ANKRD6: variants seen among roughly 807,000 people sequenced by gnomAD.
The protein encoded by ANKRD6 is ankyrin repeat domain-containing protein 6.
ANKRD6 carries 56 observed loss-of-function variants against 82.3 expected under a neutral mutation model. The ratio of observed to expected loss-of-function variants is 0.68; its 90% CI spans 0.55 to 0.85. ANKRD6 has a LOEUF of 0.85. Ranked by LOEUF, ANKRD6 falls within the 40% of genes least tolerant of loss-of-function variation. The pLI is 0.00. For missense variants in ANKRD6, 852 were observed against 907.6 expected (o/e 0.94, Z 0.79); for synonymous variants, 347 against 352.1 (o/e 0.99, Z 0.16).
In ANKRD6 at chr6:89,595,585, A is replaced by G. The variant is rs193133596; in HGVS notation, c.121-331A>G. Among the ~76,000 whole-genome samples the G allele has an allele frequency of 2.2e-3, 328 of 152,270 alleles. 1 individual carries two copies. The highest frequency in any genetic ancestry group is 7.6e-3 in the African/African-American group (316 of 41,540). ...CATCATGGCCACTTCATTATTCCTC[A>G]GTATTAGCACCAGTGAGAAATTAAG... On this transcript the variant is annotated intron_variant, in intron 2 of 15. Coordinates refer to ENST00000339746, the MANE Select transcript of ANKRD6 (RefSeq NM_001242809.2).
At chr6:89,551,167 A>G (rs976111235) in intron 1 of ANKRD6, among the ~76,000 whole-genome samples, 5 of 152,142 alleles carry the variant, frequency 3.3e-5, no homozygotes, top group African/African-American at 1.2e-4. Context: ...TCTTGTTAGG[A>G]AGGGGGTGGG....
At chr6:89,453,958 C>G (rs549628865) in intron 1 of ANKRD6, among the ~76,000 whole-genome samples, 49 of 152,040 alleles carry the variant, frequency 3.2e-4, no homozygotes, top group Non-Finnish European at 5.2e-4. Flanking sequence ...CCTGCCACCA[C>G]GCCCGGCTAA....
At chr6:89,445,598 C>A (rs1344129500) in intron 1 of ANKRD6, among the ~76,000 whole-genome samples, 3 of 152,146 alleles carry the variant, frequency 2.0e-5, no homozygotes, top group Non-Finnish European at 2.9e-5. Context: ...AGGTGCACAC[C>A]ACCATGCCTG....
At chr6:89,440,756 A>G (rs1771271478) in intron 1 of ANKRD6, among the ~76,000 whole-genome samples, 1 of 151,840 alleles carries the variant, frequency 6.6e-6, no homozygotes, top group Admixed American at 6.6e-5. Context: ...GATCATGCCT[A>G]TGAATAGCCA....
In ANKRD6 at chr6:89,506,984, A is replaced by G. The variant is rs572485945; in HGVS notation, c.-143-59850A>G. On this transcript the variant is annotated intron_variant, in intron 1 of 15. Coordinates refer to ENST00000339746, the MANE Select transcript of ANKRD6 (RefSeq NM_001242809.2). ...GCCAGTGTTGAGGATTCCATATGCAATATAAATAAGACTCTATGCTAAACA... is the reference window on the plus strand; with the variant it reads ...GCCAGTGTTGAGGATTCCATATGCAGTATAAATAAGACTCTATGCTAAACA... Among the ~76,000 whole-genome samples, 120 of 152,356 alleles carry G rather than the reference A, an allele frequency of 7.9e-4. 1 individual carries two copies. Among genetic ancestry groups the G allele is most frequent in the African/African-American group, 2.8e-3 (115 of 41,580 alleles).
At chr6:89,586,778 T>G (rs541689826) in intron 2 of ANKRD6, among the ~76,000 whole-genome samples, 25 of 152,220 alleles carry the variant, frequency 1.6e-4, no homozygotes, top group Non-Finnish European at 3.7e-4. Context: ...ACAAGTGTAC[T>G]GTAGAAGCTG....
chr6:89,542,326 C>T (rs1281153504), intron 1 of ANKRD6, among the ~76,000 whole-genome samples: 1 of 152,120 alleles, frequency 6.6e-6, no homozygotes, highest in African/African-American at 2.4e-5. Flanking sequence ...CTAGTTGCTG[C>T]TTGTCTCTTT....
intron 1 of ANKRD6, among the ~76,000 whole-genome samples, chr6:89,530,713 T>C (rs1352717769): frequency 2.0e-5 from 3 of 152,176 alleles, no homozygotes; most frequent in Non-Finnish European, 4.4e-5. Context: ...GAATAAAGAA[T>C]GTGGTAAAAG....
chr6:89,527,813 G>T (rs1782686581), intron 1 of ANKRD6, among the ~76,000 whole-genome samples: 1 of 151,692 alleles, frequency 6.6e-6, no homozygotes, highest in Non-Finnish European at 1.5e-5. Context: ...TTGTTTTTTT[G>T]TTTTGTTTTG....
rs749956078 is a variant in ANKRD6, at chr6:89,539,873, CA to C, written c.-143-26949del. Among the ~76,000 whole-genome samples the C allele has an allele frequency of 3.7e-3, 500 of 135,212 alleles. 1 individual carries two copies. The highest frequency in any genetic ancestry group is 5.6e-3 in the Non-Finnish European group (353 of 62,482). 88.7% of individuals were successfully genotyped at this position (135,212 alleles called of 152,430 possible). On this transcript the variant is annotated intron_variant, in intron 1 of 15. Coordinates refer to ENST00000339746, the MANE Select transcript of ANKRD6 (RefSeq NM_001242809.2). ...CAATTGATTTGATTTTTGGATTCTA[CA>C]AAAAAAAAAAACCAGATGTTTTTGC... is the stretch of plus-strand genomic sequence containing the variant.
intron 8 of ANKRD6, chr6:89,616,941 G>T: frequency 3.5e-6 from 2 of 574,200 alleles, no homozygotes; most frequent in Non-Finnish European, 6.6e-6. Context: ...AAACTGACGA[G>T]TGGATGTTAC....
intron 6 of ANKRD6, 100 bp from the exon 7 acceptor site, chr6:89,613,692 A>G: frequency 3.7e-6 from 4 of 1,067,008 alleles, no homozygotes; most frequent in South Asian, 1.5e-5. Flanking sequence ...TAAAGAGTAC[A>G]TGATAGTCTG....
chr6:89,452,864 A>G (rs1189885850), intron 1 of ANKRD6, among the ~76,000 whole-genome samples: 2 of 152,192 alleles, frequency 1.3e-5, no homozygotes, highest in Non-Finnish European at 1.5e-5. Flanking sequence ...TTCATGTCAG[A>G]CAGCAGCCTT....
intron 1 of ANKRD6, among the ~76,000 whole-genome samples, chr6:89,491,259 A>G (rs1388910144): frequency 6.6e-6 from 1 of 152,228 alleles, no homozygotes. Context: ...CTGGATTTTC[A>G]TAGGCCGAAA....
At chr6:89,480,956 T>TAGA (rs757399536) in intron 1 of ANKRD6, among the ~76,000 whole-genome samples, 1 of 53,380 alleles carries the variant, frequency 1.9e-5, no homozygotes. Flanking sequence ...AAAAAAAAAA[T>TAGA]AGAAGAAGAA....
At chr6:89,467,054 T>G (rs188547630) in intron 1 of ANKRD6, among the ~76,000 whole-genome samples, 11 of 152,290 alleles carry the variant, frequency 7.2e-5, no homozygotes, top group African/African-American at 2.6e-4. Context: ...CAAGATTTTT[T>G]TCAAGCAAGC....
At chr6:89,434,518 G>T in intron 1 of ANKRD6, among the ~76,000 whole-genome samples, 1 of 152,040 alleles carries the variant, frequency 6.6e-6, no homozygotes. Flanking sequence ...ACAGAGTTTC[G>T]CTCTGTTGCC....
intron 2 of ANKRD6, among the ~76,000 whole-genome samples, chr6:89,573,260 T>A (rs565712620): frequency 7.9e-5 from 12 of 152,356 alleles, no homozygotes; most frequent in East Asian, 5.8e-4. Flanking sequence ...ATTACTTTTT[T>A]AAAAAATATA....
At chr6:89,452,073 T>C (rs1772899581) in intron 1 of ANKRD6, among the ~76,000 whole-genome samples, 1 of 151,962 alleles carries the variant, frequency 6.6e-6, no homozygotes, top group Non-Finnish European at 1.5e-5. Context: ...CCCAGCTACT[T>C]GGGAAGCTGA....
Sources: gnomAD v4.1 joint callset for allele counts (sites outside exome capture counted in the v4.1 genomes callset) on GRCh38, gnomAD v4.1.1 for gene constraint, MANE v1.5 for transcripts, NCBI Gene and HGNC (gene_info 2026-07-23, HGNC 2026-07-21) for gene names.